RPGRIP1L: variants seen among roughly 807,000 people sequenced by gnomAD.
RPGRIP1L encodes protein fantom.
Under a neutral mutation model 160.4 loss-of-function variants are expected in RPGRIP1L, and 131 were observed. The observed-to-expected ratio is 0.82, with a 90% CI of 0.71 to 0.94. RPGRIP1L has a LOEUF of 0.94. RPGRIP1L is among the 40% of genes least tolerant of loss of function. The pLI, the probability that RPGRIP1L is intolerant of heterozygous loss-of-function variation, is 0.00. For synonymous variants in RPGRIP1L, 510 were observed against 515.8 expected (o/e 0.99, Z 0.15); for missense variants, 1,522 against 1,535.8 (o/e 0.99, Z 0.15).
At chr16:53,664,391 T>G (rs918880753) in intron 10 of RPGRIP1L, among the ~76,000 whole-genome samples, 3 of 151,674 alleles carry the variant, frequency 2.0e-5, no homozygotes, top group African/African-American at 7.3e-5. Context: ...TCTGCCACTC[T>G]CTGTCATCTT....
intron 4 of RPGRIP1L, among the ~76,000 whole-genome samples, chr16:53,688,957 C>T (rs891974779): frequency 3.3e-5 from 5 of 151,696 alleles, no homozygotes; most frequent in South Asian, 2.1e-4. Flanking sequence ...CTAATTCTTA[C>T]GCTTTTCCTA....
chr16:53,633,036 A>G (rs1020225508), intron 22 of RPGRIP1L, among the ~76,000 whole-genome samples: 1 of 152,190 alleles, frequency 6.6e-6, no homozygotes, highest in African/African-American at 2.4e-5. Context: ...GATGGATGCT[A>G]ATAAATAAAG....
chr16:53,605,580 C>G lies in RPGRIP1L; in HGVS notation c.3736G>C (p.Asp1246His). 1.2e-6 allele frequency: 2 copies of G among 1,614,066 alleles called. No individual in the cohort carries two copies. The highest frequency in any genetic ancestry group is 1.7e-4 in the Middle Eastern group (1 of 6,060). ...TCCTCACACTCCAGGTCCTGCTCGT[C>G]CTCTGGAGGGTCACTGACCACGGTG... The part of the protein sequence containing the change: ...RFTVVSDPPE[D>H]EQDLECEDIG... The change falls in exon 26 of 27, where the codon GAC (aspartate) becomes CAC (histidine). Residue 1246 changes from aspartate to histidine, a missense_variant. Coordinates refer to ENST00000647211, the MANE Select transcript of RPGRIP1L (RefSeq NM_015272.5).
At chr16:53,702,708 G>T in intron 1 of RPGRIP1L, among the ~76,000 whole-genome samples, 1 of 148,076 alleles carries the variant, frequency 6.8e-6, no homozygotes. Flanking sequence ...TTTTGAGACA[G>T]GGTCTTGCTA....
At chr16:53,604,867 C>A (rs774506938) in intron 26 of RPGRIP1L, among the ~76,000 whole-genome samples, 31 of 152,096 alleles carry the variant, frequency 2.0e-4, no homozygotes, top group Non-Finnish European at 3.8e-4. Flanking sequence ...TGAAATGTGG[C>A]TTCCATAAAC....
chr16:53,698,160 G>A (rs549846637), intron 2 of RPGRIP1L, among the ~76,000 whole-genome samples: 8 of 150,786 alleles, frequency 5.3e-5, no homozygotes, highest in Non-Finnish European at 7.4e-5. Context: ...GAGCCCCTCC[G>A]CCCGGCAGCC....
At chr16:53,622,933 G>T (rs923601966) in intron 22 of RPGRIP1L, among the ~76,000 whole-genome samples, 3 of 151,942 alleles carry the variant, frequency 2.0e-5, no homozygotes, top group Middle Eastern at 3.4e-3. Flanking sequence ...TGAGAGGTTG[G>T]GGCTGTAGGG....
At chr16:53,605,170 C>G (rs1963596577) in intron 26 of RPGRIP1L, among the ~76,000 whole-genome samples, 1 of 150,920 alleles carries the variant, frequency 6.6e-6, no homozygotes, top group Admixed American at 6.6e-5. Context: ...AAAACTCTGT[C>G]TCAGAAAAAA....
intron 4 of RPGRIP1L, among the ~76,000 whole-genome samples, chr16:53,690,238 C>T (rs1175314077): frequency 1.3e-5 from 2 of 152,094 alleles, no homozygotes; most frequent in Non-Finnish European, 2.9e-5. Context: ...CCTCTGTCGC[C>T]CAGGTTGGAG....
chr16:53,693,468 A>G (rs535619424), intron 3 of RPGRIP1L: 1 of 152,368 alleles, frequency 6.6e-6, no homozygotes, highest in East Asian at 1.9e-4. Context: ...TAAATGCGGT[A>G]GTAATACATG....
At chr16:53,692,438 A>T in intron 3 of RPGRIP1L, 74 bp from the exon 4 acceptor site, 1 of 1,393,114 alleles carries the variant, frequency 7.2e-7, no homozygotes, top group South Asian at 1.2e-5. Flanking sequence ...AAGGAACATA[A>T]TCACTGTGAA....
chr16:53,672,658 G>A (rs1968834294), intron 8 of RPGRIP1L, among the ~76,000 whole-genome samples: 1 of 152,100 alleles, frequency 6.6e-6, no homozygotes, highest in Non-Finnish European at 1.5e-5. Context: ...AATCCTTTGG[G>A]TAAACAGTGG....
At chr16:53,688,879 C>G (rs1395118949) in intron 4 of RPGRIP1L, among the ~76,000 whole-genome samples, 3 of 151,950 alleles carry the variant, frequency 2.0e-5, no homozygotes, top group Non-Finnish European at 2.9e-5. Context: ...ATAGAAAAGG[C>G]TCTGCCTAAA....
chr16:53,636,401 T>G, intron 22 of RPGRIP1L, 38 bp downstream of exon 22: 1 of 1,396,890 alleles, frequency 7.2e-7, no homozygotes, highest in Non-Finnish European at 1.0e-6. Context: ...AAGGCAGCCT[T>G]ATTTCAGAAC....
At chr16:53,655,195 G>A (rs1309144287) in intron 14 of RPGRIP1L, among the ~76,000 whole-genome samples, 1 of 152,088 alleles carries the variant, frequency 6.6e-6, no homozygotes, top group African/African-American at 2.4e-5. Flanking sequence ...GAAGATTTGC[G>A]AAATGTTAAA....
At chr16:53,695,407 C>A (rs1970680958) in intron 3 of RPGRIP1L, 1 of 702,848 alleles carries the variant, frequency 1.4e-6, no homozygotes, top group African/African-American at 1.7e-5. Flanking sequence ...GGATTCTAAG[C>A]AGAAAAACCC....
chr16:53,628,983 G>GGT (rs35864942), intron 22 of RPGRIP1L, among the ~76,000 whole-genome samples: 12,163 of 151,554 alleles, frequency 0.08, 889 homozygotes, highest in African/African-American at 0.17. Flanking sequence ...CCATAGAAAT[G>GGT]GTGTGTGTGT....
At chr16:53,625,756 G>A in intron 22 of RPGRIP1L, among the ~76,000 whole-genome samples, 1 of 152,196 alleles carries the variant, frequency 6.6e-6, no homozygotes, top group East Asian at 1.9e-4. Context: ...TGTCTGTGCA[G>A]AAAGAAGAAG....
intron 25 of RPGRIP1L, among the ~76,000 whole-genome samples, chr16:53,605,883 G>C (rs1444771319): frequency 6.6e-6 from 1 of 152,180 alleles, no homozygotes; most frequent in African/African-American, 2.4e-5. Flanking sequence ...TAGGCAAAGA[G>C]AAGGACCAGA....
Sources: gnomAD v4.1 joint callset for allele counts (sites outside exome capture counted in the v4.1 genomes callset) on GRCh38, gnomAD v4.1.1 for gene constraint, MANE v1.5 for transcripts, NCBI Gene and HGNC (gene_info 2026-07-23, HGNC 2026-07-21) for gene names.